The following SPCS1 variants were observed in gnomAD, a reference collection of about 807,000 sequenced individuals.
SPCS1 encodes the protein SPase 12 kDa subunit.
A neutral mutation model predicts 16.4 loss-of-function variants in SPCS1; 10 were observed. The ratio of observed to expected loss-of-function variants is 0.61; its 90% confidence interval spans 0.38 to 1.03. The LOEUF is 1.03. SPCS1 is among the 50% of genes least tolerant of loss of function. The pLI is 0.01. For synonymous variants in SPCS1, 47 were observed against 42.5 expected, an observed-to-expected ratio of 1.10 and a Z score of -0.41; for missense variants, 118 against 123.8, an observed-to-expected ratio of 0.95 and a Z score of 0.22.
At chr3:52,707,067 A>C in intron 3 of SPCS1, 188 bp downstream of exon 3, 1 of 608,760 alleles carries the variant, frequency 1.6e-6, no homozygotes, top group Non-Finnish European at 3.0e-6. Context: ...ATAAAAGGAC[A>C]CAGCTTATTT....
At position 52,706,636 on chromosome 3, in the gene SPCS1, C is replaced by T; in HGVS notation, c.37-8C>T. 6.8e-6 allele frequency: 11 copies of T among 1,613,486 alleles called. No individual in the cohort carries two copies. Among genetic ancestry groups the T allele is most frequent in the Non-Finnish European group, 9.3e-6 (11 of 1,179,494 alleles). ...AACCAATTCTTTTTTTCCTCTGCTT[C>T]ACCCCAGGATTACAAGGGCCAGAAG... On this transcript the variant is annotated splice_polypyrimidine_tract_variant and splice_region_variant and intron_variant, in intron 1 of 3. Transcript: ENST00000619898.
chr3:52,706,379 G>A (rs2097344750), intron 1 of SPCS1, 97 bp downstream of exon 1: 1 of 1,341,258 alleles, frequency 7.5e-7, no homozygotes. Context: ...GCTGTTCCGG[G>A]CCCGGATGGT....
At position 52,706,370 on chromosome 3, in the gene SPCS1, C is replaced by T. The variant is rs2097344740; in HGVS notation, c.36+88C>T. The T allele has an allele frequency of 2.2e-6, 3 of 1,390,230 alleles. No homozygotes were observed. In the East Asian group the frequency reaches 7.2e-5, roughly 33 times the overall value. 86.1% of individuals were successfully genotyped at this position (1,390,230 alleles called of 1,614,324 possible). A position where few individuals can be genotyped will look rare whatever the true frequency, so the allele number is the denominator to read the frequency against. ...GTTGGAGCACCGACCCGGTGCTGCG[C>T]TGTTCCGGGCCCGGATGGTTACCGT... On this transcript the variant is annotated intron_variant, in intron 1 of 3. Transcript: ENST00000619898.
At chr3:52,707,402 C>T (rs1312756586) in intron 3 of SPCS1, 1 of 284,518 alleles carries the variant, frequency 3.5e-6, no homozygotes, top group Non-Finnish European at 6.7e-6. Flanking sequence ...GCAATCCGCC[C>T]ACCTTGGCCT....
rs1045121035 is a variant in SPCS1 at position 52,709,043 on chromosome 3, C to G, written c.*1231C>G. The G allele has an allele frequency of 2.0e-5, 3 of 152,076 alleles. No homozygotes were observed. The highest frequency in any genetic ancestry group is 2.0e-4 in the Admixed American group (3 of 15,260). The allele number at this position is 152,076 out of a possible 1,614,324, so 9.4% of individuals were successfully genotyped here. A position where few individuals can be genotyped will look rare whatever the true frequency, so the allele number is the denominator to read the frequency against. ...TCTACTAAAAATAACGAAAATCAGC[C>G]AGGCATGGTGGTGTGTGCCTGTAAT... On this transcript the variant is annotated 3_prime_UTR_variant, in exon 4 of 4. Coordinates refer to ENST00000619898, the MANE Select transcript of SPCS1 (RefSeq NM_014041.5).
Position 52,707,796 on chromosome 3 carries a change from A to T in SPCS1, c.293A>T (p.His98Leu). The T allele has an allele frequency of 1.9e-6, 3 of 1,614,176 alleles. No individual in the cohort carries two copies. The highest frequency in any genetic ancestry group is 2.5e-6 in the Non-Finnish European group (3 of 1,180,020). The change falls in exon 4 of 4, where the codon CAT (histidine) becomes CTT (leucine). Residue 98 changes from histidine to leucine, a missense_variant. Physicochemically the swap from His to Leu is moderately conservative, Grantham distance 99. Transcript: ENST00000619898. ...KKPGERKIKR[H>L]AKNN Reference sequence around the variant, plus strand: ...CCAGGGGAAAGAAAAATTAAGAGGCATGCTAAAAATAATTGAGGTTTTCAT... The same window carrying T: ...CCAGGGGAAAGAAAAATTAAGAGGCTTGCTAAAAATAATTGAGGTTTTCAT...
intron 1 of SPCS1, 112 bp from the exon 2 acceptor site, chr3:52,706,532 A>G (rs1269445908): frequency 4.2e-5 from 44 of 1,043,712 alleles, no homozygotes; most frequent in Non-Finnish European, 6.4e-5. Context: ...CCCTTAGGAG[A>G]GCGGGAGACC....
At chr3:52,706,580 C>G in intron 1 of SPCS1, 64 bp from the exon 2 acceptor site, 3 of 1,478,274 alleles carry the variant, frequency 2.0e-6, no homozygotes, top group Non-Finnish European at 2.8e-6. Context: ...GTTGTGAGGT[C>G]AGGGCAGGAA....
chr3:52,707,901 C>T lies in SPCS1; in HGVS notation c.*89C>T. Reference sequence around the variant, plus strand: ...AGATAAGAGCTAAAACCACCTAATGCTCTTATGGCACAGCTGTGTATAGAT... The same window carrying T: ...AGATAAGAGCTAAAACCACCTAATGTTCTTATGGCACAGCTGTGTATAGAT... On this transcript the variant is annotated 3_prime_UTR_variant, in exon 4 of 4. Transcript: ENST00000619898. 6.7e-7 allele frequency: 1 copy of T among 1,488,440 alleles called. No homozygotes were observed. Among genetic ancestry groups the T allele is most frequent in the South Asian group, 1.2e-5 (1 of 86,160 alleles). 92.2% of individuals were successfully genotyped at this position (1,488,440 alleles called of 1,614,324 possible).
rs999787948 is a variant in SPCS1, at chr3:52,709,142, C to A, written c.*1330C>A. 4 of 150,750 alleles carry A rather than the reference C, an allele frequency of 2.7e-5. No homozygotes were observed. Among genetic ancestry groups the A allele is most frequent in the Non-Finnish European group, 5.9e-5 (4 of 67,774 alleles). The allele number at this position is 150,750 out of a possible 1,614,324, so 9.3% of individuals were successfully genotyped here. A position where few individuals can be genotyped will look rare whatever the true frequency, so the allele number is the denominator to read the frequency against. ...TAGGCTGCAGTGAGCCAAGATCGCACCACTGTACTCCAGCCTGGGCAACAA... is the reference window on the plus strand; with the variant it reads ...TAGGCTGCAGTGAGCCAAGATCGCAACACTGTACTCCAGCCTGGGCAACAA... On this transcript the variant is annotated 3_prime_UTR_variant, in exon 4 of 4. Coordinates refer to ENST00000619898, the MANE Select transcript of SPCS1 (RefSeq NM_014041.5).
At chr3:52,707,565 ATT>A (rs34636695) in intron 3 of SPCS1, 120 bp from the exon 4 acceptor site, 1,195 of 893,908 alleles carry the variant, frequency 1.3e-3, no homozygotes, top group Non-Finnish European at 1.5e-3. Flanking sequence ...AGGAATATGG[ATT>A]TTTTTTTTTG....
rs2097346408 is a variant in SPCS1, at chr3:52,708,037, ATG to A, written c.*226_*227del. On this transcript the variant is annotated 3_prime_UTR_variant, in exon 4 of 4. Transcript: ENST00000619898. ...GAGATGGGGAACAGAACACACAAGT[ATG>A]AAGTTTCTTTCAGGTGTAAATAATG... 1.0e-5 allele frequency: 4 copies of A among 393,438 alleles called. No individual in the cohort carries two copies. The Admixed American group carries it at 1.6e-4, about 15-fold the overall frequency. The allele number at this position is 393,438 out of a possible 1,614,324, so 24.4% of individuals were successfully genotyped here.
At position 52,707,813 on chromosome 3, in the gene SPCS1, G is replaced by T; in HGVS notation, c.*1G>T. On this transcript the variant is annotated 3_prime_UTR_variant, in exon 4 of 4. Coordinates refer to ENST00000619898, the MANE Select transcript of SPCS1 (RefSeq NM_014041.5). ...TAAGAGGCATGCTAAAAATAATTGA[G>T]GTTTTCATGATTCAGCACCTGCTTT... The T allele has an allele frequency of 1.2e-6, 2 of 1,613,906 alleles. No individual in the cohort carries two copies. The highest frequency in any genetic ancestry group is 1.7e-6 in the Non-Finnish European group (2 of 1,179,908).
rs1319946090 is a variant in SPCS1, at chr3:52,708,571, G to A, written c.*759G>A. On this transcript the variant is annotated 3_prime_UTR_variant, in exon 4 of 4. Transcript: ENST00000619898. ...CTAGCCATGATTCAAAGGTTCAATA[G>A]CTATATGTGACTAGTGGCTACCATA... 2 of 152,160 alleles carry A rather than the reference G, an allele frequency of 1.3e-5. No homozygotes were observed. Among genetic ancestry groups the A allele is most frequent in the Non-Finnish European group, 2.9e-5 (2 of 68,026 alleles). 9.4% of individuals were successfully genotyped at this position (152,160 alleles called of 1,614,324 possible). A position where few individuals can be genotyped will look rare whatever the true frequency, so the allele number is the denominator to read the frequency against.
rs904596650 is a variant in SPCS1, at chr3:52,710,438, T to C, written c.*2626T>C. 10 of 151,774 alleles carry C rather than the reference T, an allele frequency of 6.6e-5. No homozygotes were observed. Among genetic ancestry groups the C allele is most frequent in the African/African-American group, 2.4e-4 (10 of 41,294 alleles). 9.4% of individuals were successfully genotyped at this position (151,774 alleles called of 1,614,324 possible). Reference sequence around the variant, plus strand: ...GAGTATTTGTGTGTGTGTGTAATTTTCAAAGATAGATATATTTTTAGTTAT... The same window carrying C: ...GAGTATTTGTGTGTGTGTGTAATTTCCAAAGATAGATATATTTTTAGTTAT... On this transcript the variant is annotated 3_prime_UTR_variant, in exon 4 of 4. Transcript: ENST00000619898.
chr3:52,710,778 A>C lies in SPCS1; in HGVS notation c.*2966A>C, dbSNP rs1479261583. ...CTCTGTCTCAAAAAAAAAACACCTG[A>C]AAACATTTCTGGAGCAATATTTATT... On this transcript the variant is annotated 3_prime_UTR_variant, in exon 4 of 4. Coordinates refer to ENST00000619898, the MANE Select transcript of SPCS1 (RefSeq NM_014041.5). The C allele has an allele frequency of 6.6e-6, 1 of 152,194 alleles. No homozygotes were observed. The highest frequency in any genetic ancestry group is 1.5e-5 in the Non-Finnish European group (1 of 68,038). The allele number at this position is 152,194 out of a possible 1,614,324, so 9.4% of individuals were successfully genotyped here. A position where few individuals can be genotyped will look rare whatever the true frequency, so the allele number is the denominator to read the frequency against.
At chr3:52,706,367 G>A (rs2097344739) in intron 1 of SPCS1, 85 bp downstream of exon 1, 1 of 1,410,520 alleles carries the variant, frequency 7.1e-7, no homozygotes, top group East Asian at 2.4e-5. Flanking sequence ...ACCCGGTGCT[G>A]CGCTGTTCCG....
chr3:52,706,622 T>A, intron 1 of SPCS1, 22 bp from the exon 2 acceptor site: 1 of 1,612,502 alleles, frequency 6.2e-7, no homozygotes, highest in South Asian at 1.1e-5. Flanking sequence ...ACCAATTCTT[T>A]TTTTCCTCTG....
chr3:52,706,127 T>C lies in SPCS1; in HGVS notation c.-120T>C, dbSNP rs566935294. 11 of 1,540,272 alleles carry C rather than the reference T, an allele frequency of 7.1e-6. No individual in the cohort carries two copies. The East Asian group carries it at 2.7e-4, about 38-fold the overall frequency. On this transcript the variant is annotated 5_prime_UTR_variant, in exon 1 of 4. Coordinates refer to ENST00000619898, the MANE Select transcript of SPCS1 (RefSeq NM_014041.5). ...GGCCGCCGCCATCGCTCTCCCGGGCTTAGAAGGCCCGGCTACTGACGCGCA... is the reference window on the plus strand; with the variant it reads ...GGCCGCCGCCATCGCTCTCCCGGGCCTAGAAGGCCCGGCTACTGACGCGCA...
Sources: allele counts gnomAD v4.1 joint callset, GRCh38; gene constraint gnomAD v4.1.1; transcripts MANE v1.5; gene names NCBI Gene and HGNC (gene_info 2026-07-23, HGNC 2026-07-21).